The following CFAP299 variants were observed in gnomAD, a reference collection of about 807,000 sequenced individuals.
The protein encoded by CFAP299 is cilia and flagella associated protein 299, also known as cilia- and flagella-associated protein 299.
Under a neutral mutation model 27.0 loss-of-function variants are expected in CFAP299, and 21 were observed. The observed-to-expected ratio is 0.78, with a 90% CI of 0.55 to 1.12. The LOEUF (loss-of-function observed/expected upper bound fraction) is 1.12, where lower values mean the gene tolerates loss of function less well. Ranked by LOEUF, CFAP299 falls within the 50% of genes most tolerant of loss-of-function variation. CFAP299 has a pLI of 0.00. For missense variants in CFAP299, 310 were observed against 276.6 expected, an observed-to-expected ratio of 1.12 and a Z score of -0.86; for synonymous variants, 104 against 98.1, an observed-to-expected ratio of 1.06 and a Z score of -0.36.
intron 3 of CFAP299, among the ~76,000 whole-genome samples, chr4:80,684,389 G>C (rs1164031669): frequency 6.6e-6 from 1 of 151,972 alleles, no homozygotes; most frequent in Non-Finnish European, 1.5e-5. Flanking sequence ...TCAGCCTCCT[G>C]AGTAGCCGGG....
chr4:80,584,037 G>GA (rs140869913), intron 3 of CFAP299, among the ~76,000 whole-genome samples: 2 of 151,816 alleles, frequency 1.3e-5, no homozygotes, highest in African/African-American at 2.4e-5. Flanking sequence ...TTCAGAGAGA[G>GA]AAAAAAATCA....
At chr4:80,491,350 C>A (rs1040524657) in intron 2 of CFAP299, among the ~76,000 whole-genome samples, 1 of 151,892 alleles carries the variant, frequency 6.6e-6, no homozygotes, top group African/African-American at 2.4e-5. Context: ...TTGATAAAAA[C>A]ATTTCAGCAA....
At chr4:80,430,212 A>C (rs775525365) in intron 2 of CFAP299, among the ~76,000 whole-genome samples, 4 of 152,224 alleles carry the variant, frequency 2.6e-5, no homozygotes, top group Non-Finnish European at 4.4e-5. Flanking sequence ...ATTAATGACA[A>C]ACACAGAAAA....
intron 3 of CFAP299, among the ~76,000 whole-genome samples, chr4:80,760,495 C>T (rs997171649): frequency 1.3e-5 from 2 of 152,150 alleles, no homozygotes; most frequent in Non-Finnish European, 2.9e-5. Context: ...CTAACTTTAA[C>T]CAAGAGCTAT....
At chr4:80,381,766 T>C (rs958596433) in intron 2 of CFAP299, among the ~76,000 whole-genome samples, 1 of 152,226 alleles carries the variant, frequency 6.6e-6, no homozygotes, top group Non-Finnish European at 1.5e-5. Context: ...CCAGTTGACT[T>C]GGTTTGTTGC....
intron 2 of CFAP299, among the ~76,000 whole-genome samples, chr4:80,491,963 A>G (rs1424322640): frequency 1.3e-5 from 2 of 152,098 alleles, no homozygotes; most frequent in Non-Finnish European, 2.9e-5. Context: ...TTTGTCACCT[A>G]TTGTCTCTAA....
In CFAP299 at chr4:80,419,249, G is replaced by C. The variant is rs955085564; in HGVS notation, c.242+56365G>C. Among the ~76,000 whole-genome samples the C allele has an allele frequency of 2.0e-5, 3 of 152,172 alleles. No individual in the cohort carries two copies. In the East Asian group the frequency reaches 5.8e-4, roughly 29 times the overall value. ...AAGTGTGCTGTTTGAACTTTGACTT[G>C]GGATTTTATATGTTGGCATACTTCT... is the stretch of plus-strand genomic sequence containing the variant. On this transcript the variant is annotated intron_variant, in intron 2 of 5. Transcript: ENST00000358105.
rs1160685209 is a variant in CFAP299 at position 80,466,736 on chromosome 4, AG to A, written c.242+103855del. 3.3e-5 allele frequency among the ~76,000 whole-genome samples: 5 copies of A among 152,310 alleles called. No homozygotes were observed. In the South Asian group the frequency reaches 6.2e-4, roughly 19 times the overall value. On this transcript the variant is annotated intron_variant, in intron 2 of 5. Coordinates refer to ENST00000358105, the MANE Select transcript of CFAP299 (RefSeq NM_152770.3). ...GAATCCTGTTTTCCTTAATCTGCAC[AG>A]GGCATAGGCACTGCCCCTGACTTCA...
chr4:80,365,423 G>A (rs1233905707), intron 2 of CFAP299, among the ~76,000 whole-genome samples: 1 of 152,066 alleles, frequency 6.6e-6, no homozygotes, highest in Non-Finnish European at 1.5e-5. Context: ...ATGAAGCAAA[G>A]GACCTTTTGG....
intron 2 of CFAP299, among the ~76,000 whole-genome samples, chr4:80,415,789 C>G (rs1262145506): frequency 6.6e-6 from 1 of 152,136 alleles, no homozygotes; most frequent in Non-Finnish European, 1.5e-5. Flanking sequence ...GGGAATATCT[C>G]TCTGCTGAAA....
At chr4:80,506,891 CAA>C (rs915295447) in intron 2 of CFAP299, among the ~76,000 whole-genome samples, 2 of 152,008 alleles carry the variant, frequency 1.3e-5, no homozygotes, top group African/African-American at 4.8e-5. Context: ...ATAAAGAAAA[CAA>C]AAAAGCTGAT....
chr4:80,656,446 A>G (rs1031231898), intron 3 of CFAP299, among the ~76,000 whole-genome samples: 1 of 151,332 alleles, frequency 6.6e-6, no homozygotes, highest in Non-Finnish European at 1.5e-5. Flanking sequence ...TCATTGTTCA[A>G]CTCCCACTTA....
At position 80,845,757 on chromosome 4, in the gene CFAP299, T is replaced by A. The variant is rs1026373800; in HGVS notation, c.334-24236T>A. 1.1e-4 allele frequency among the ~76,000 whole-genome samples: 17 copies of A among 152,134 alleles called. 1 individual carries two copies. The highest frequency in any genetic ancestry group is 1.5e-5 in the Non-Finnish European group (1 of 68,026). ...CAGCACAGTATCTCTGCCTATAATG[T>A]TGGTTTTGGGCAAAATAATTTTTAT... On this transcript the variant is annotated intron_variant, in intron 3 of 5. Coordinates refer to ENST00000358105, the MANE Select transcript of CFAP299 (RefSeq NM_152770.3).
intron 3 of CFAP299, among the ~76,000 whole-genome samples, chr4:80,618,573 A>G (rs962017633): frequency 5.9e-5 from 9 of 152,134 alleles, no homozygotes; most frequent in Non-Finnish European, 1.2e-4. Context: ...GTAAACATCA[A>G]TGGATTCTTA....
At chr4:80,911,216 GT>G (rs758866957) in intron 4 of CFAP299, among the ~76,000 whole-genome samples, 7,481 of 124,756 alleles carry the variant, frequency 0.06, 478 homozygotes, top group African/African-American at 0.18. Flanking sequence ...TTGCTTGGTT[GT>G]TTTTTTTTTT....
At chr4:80,470,444 T>A (rs1324082902) in intron 2 of CFAP299, among the ~76,000 whole-genome samples, 1 of 141,452 alleles carries the variant, frequency 7.1e-6, no homozygotes, top group African/African-American at 2.9e-5. Flanking sequence ...ATGTTGTCAT[T>A]ACAAACATGG....
At position 80,344,228 on chromosome 4, in the gene CFAP299, TAATAA is replaced by T. The variant is rs376985507; in HGVS notation, c.111+8350_111+8354del. 6.3e-3 allele frequency among the ~76,000 whole-genome samples: 946 copies of T among 151,004 alleles called. 2 individuals are homozygous for T. The highest frequency in any genetic ancestry group is 0.024 in the Middle Eastern group (7 of 292). ...CCAGGAACTAGTTTTTTGAAAAAAT[TAATAA>T]GATAGATAGACTGCTACCTAGACTA... is the stretch of plus-strand genomic sequence containing the variant. On this transcript the variant is annotated intron_variant, in intron 1 of 5. Coordinates refer to ENST00000358105, the MANE Select transcript of CFAP299 (RefSeq NM_152770.3).
At chr4:80,409,428 G>A (rs759894950) in intron 2 of CFAP299, among the ~76,000 whole-genome samples, 84 of 152,108 alleles carry the variant, frequency 5.5e-4, no homozygotes, top group Non-Finnish European at 9.8e-4. Flanking sequence ...CAAATGTATT[G>A]ATAAAGTTTC....
intron 2 of CFAP299, among the ~76,000 whole-genome samples, chr4:80,453,661 T>A (rs954021867): frequency 1.4e-4 from 22 of 151,766 alleles, no homozygotes; most frequent in Admixed American, 7.2e-4. Context: ...GCCAACATGG[T>A]GAAACCCCGT....
Sources: allele counts gnomAD v4.1 joint callset (sites outside exome capture counted in the v4.1 genomes callset), GRCh38; gene constraint gnomAD v4.1.1; transcripts MANE v1.5; gene names NCBI Gene and HGNC (gene_info 2026-07-23, HGNC 2026-07-21).